MAML2: variants seen among roughly 807,000 people sequenced by gnomAD.
MAML2 encodes mastermind like transcriptional coactivator 2.
Under a neutral mutation model 96.1 loss-of-function variants are expected in MAML2, and 22 were observed. The ratio of observed to expected loss-of-function variants is 0.23; its 90% CI spans 0.16 to 0.33. MAML2 has a LOEUF of 0.33. Among genes scored for constraint, MAML2 ranks in the 10% least tolerant of loss-of-function variants. The pLI is 1.00. For missense variants in MAML2, 1,367 were observed against 1,392.4 expected (o/e 0.98, Z 0.29); for synonymous variants, 561 against 521.3 (o/e 1.08, Z -1.04).
intron 1 of MAML2, among the ~76,000 whole-genome samples, chr11:96,289,578 A>G (rs1863182844): frequency 6.6e-6 from 1 of 152,246 alleles, no homozygotes; most frequent in Admixed American, 6.5e-5. Context: ...AGAGAAGAAA[A>G]TGATATGTTT....
At chr11:96,161,838 T>A (rs1861107889) in intron 1 of MAML2, among the ~76,000 whole-genome samples, 1 of 152,168 alleles carries the variant, frequency 6.6e-6, no homozygotes, top group South Asian at 2.1e-4. Context: ...AACTGGACGA[T>A]GAGTTTTGGT....
intron 2 of MAML2, among the ~76,000 whole-genome samples, chr11:96,068,437 T>TACACACACACAC (rs1859278433): frequency 1.1e-4 from 1 of 9,024 alleles, no homozygotes; most frequent in South Asian, 6.4e-3. Flanking sequence ...GGGAGCTTAC[T>TACACACACACAC]TCACACACAC....
chr11:96,103,673 C>G lies in MAML2; in HGVS notation c.514-10156G>C, dbSNP rs539511889. 2.6e-5 allele frequency among the ~76,000 whole-genome samples: 4 copies of G among 152,276 alleles called. No individual in the cohort carries two copies. In the South Asian group the frequency reaches 8.3e-4, roughly 32 times the overall value. ...ATGAAAGGCCCCTATCCTGTCCTTCCCTGTCTGTTTCTCTCAGGTCACATT... is the reference window on the plus strand; with the variant it reads ...ATGAAAGGCCCCTATCCTGTCCTTCGCTGTCTGTTTCTCTCAGGTCACATT... On this transcript the variant is annotated intron_variant, in intron 1 of 4. Coordinates refer to ENST00000524717, the MANE Select transcript of MAML2 (RefSeq NM_032427.4).
intron 1 of MAML2, among the ~76,000 whole-genome samples, chr11:96,131,141 T>C (rs1354397763): frequency 6.6e-6 from 1 of 151,462 alleles, no homozygotes; most frequent in Non-Finnish European, 1.5e-5. Flanking sequence ...GGGTCCAGGG[T>C]AGAAATAAAA....
intron 1 of MAML2, among the ~76,000 whole-genome samples, chr11:96,102,846 G>A (rs1429694379): frequency 1.3e-5 from 2 of 152,208 alleles, no homozygotes; most frequent in East Asian, 3.8e-4. Context: ...GAAAAATCCA[G>A]CTGCTTTGTG....
intron 1 of MAML2, among the ~76,000 whole-genome samples, chr11:96,207,001 C>A (rs74728900): frequency 0.013 from 2,034 of 152,310 alleles, 53 homozygotes; most frequent in African/African-American, 0.047. Flanking sequence ...CAACCTCCTG[C>A]AAAAACGCAG....
At chr11:96,216,983 G>A (rs116382220) in intron 1 of MAML2, among the ~76,000 whole-genome samples, 43 of 152,314 alleles carry the variant, frequency 2.8e-4, no homozygotes, top group African/African-American at 1.0e-3. Flanking sequence ...ATGAAGCAAA[G>A]TATTCAGAGA....
chr11:95,989,325 T>C (rs1857875294), intron 3 of MAML2, among the ~76,000 whole-genome samples: 1 of 151,960 alleles, frequency 6.6e-6, no homozygotes, highest in Admixed American at 6.6e-5. Flanking sequence ...ATGTGAATGG[T>C]TTTTAAAAAT....
intron 2 of MAML2, among the ~76,000 whole-genome samples, chr11:96,090,268 C>T (rs960672330): frequency 1.3e-5 from 2 of 152,126 alleles, no homozygotes; most frequent in South Asian, 2.1e-4. Context: ...TACTCCAATG[C>T]CTCTCCTATA....
chr11:96,130,832 C>T (rs748452546), intron 1 of MAML2, among the ~76,000 whole-genome samples: 8 of 151,086 alleles, frequency 5.3e-5, no homozygotes, highest in Non-Finnish European at 8.8e-5. Flanking sequence ...AACTAAAATA[C>T]GCTTCCTATT....
chr11:96,296,373 G>A (rs1207027799), intron 1 of MAML2, among the ~76,000 whole-genome samples: 3 of 152,180 alleles, frequency 2.0e-5, no homozygotes, highest in African/African-American at 4.8e-5. Flanking sequence ...GGCCGAGCAC[G>A]GTGGCTCACA....
intron 1 of MAML2, among the ~76,000 whole-genome samples, chr11:96,312,890 T>C (rs1334757499): frequency 1.3e-5 from 2 of 152,210 alleles, no homozygotes; most frequent in South Asian, 2.1e-4. Flanking sequence ...CTTAGTTGTA[T>C]TGGAATCTGA....
At chr11:96,162,361 A>G (rs746657880) in intron 1 of MAML2, among the ~76,000 whole-genome samples, 7 of 151,914 alleles carry the variant, frequency 4.6e-5, no homozygotes, top group African/African-American at 9.7e-5. Flanking sequence ...GATCTTCCAG[A>G]CCAGATCTAG....
intron 1 of MAML2, among the ~76,000 whole-genome samples, chr11:96,303,031 G>A (rs748889799): frequency 8.5e-5 from 13 of 152,198 alleles, no homozygotes; most frequent in Non-Finnish European, 1.6e-4. Context: ...AAAGGGCACA[G>A]ATATTAGTAC....
intron 1 of MAML2, among the ~76,000 whole-genome samples, chr11:96,182,008 G>A (rs1861494357): frequency 1.3e-5 from 2 of 152,062 alleles, no homozygotes; most frequent in South Asian, 4.1e-4. Context: ...TTTGCAGTAG[G>A]TATGAGGAAA....
rs550767446 is a variant in MAML2, at chr11:96,149,140, G to A, written c.514-55623C>T. On this transcript the variant is annotated intron_variant, in intron 1 of 4. Transcript: ENST00000524717. ...TTCAAAATTGAAAAGTAGGCCAGGTGTGGTGGCTCACACCTGTAATCTCAG... is the reference window on the plus strand; with the variant it reads ...TTCAAAATTGAAAAGTAGGCCAGGTATGGTGGCTCACACCTGTAATCTCAG... Among the ~76,000 whole-genome samples the A allele has an allele frequency of 1.6e-4, 25 of 152,252 alleles. No homozygotes were observed. The South Asian group carries it at 5.0e-3, about 30-fold the overall frequency.
chr11:96,066,242 A>G (rs1859243904), intron 2 of MAML2, among the ~76,000 whole-genome samples: 2 of 152,176 alleles, frequency 1.3e-5, no homozygotes, highest in South Asian at 2.1e-4. Flanking sequence ...CCTGTCACCA[A>G]TAGTGCCAAT....
At chr11:96,293,784 T>C (rs1393987798) in intron 1 of MAML2, among the ~76,000 whole-genome samples, 3 of 152,182 alleles carry the variant, frequency 2.0e-5, no homozygotes, top group Admixed American at 6.5e-5. Flanking sequence ...GCTGGAGAGA[T>C]TGGTCAACGT....
At chr11:96,223,717 G>A (rs116750799) in intron 1 of MAML2, among the ~76,000 whole-genome samples, 2 of 151,682 alleles carry the variant, frequency 1.3e-5, no homozygotes, top group African/African-American at 2.4e-5. Flanking sequence ...TCCTCTCTCC[G>A]CTCCCACCCG....
Sources: allele counts gnomAD v4.1 joint callset (sites outside exome capture counted in the v4.1 genomes callset), GRCh38; gene constraint gnomAD v4.1.1; transcripts MANE v1.5; gene names NCBI Gene and HGNC (gene_info 2026-07-23, HGNC 2026-07-21).